The following LRRC37A2 variants were observed in gnomAD, a reference collection of about 807,000 sequenced individuals.
The protein encoded by LRRC37A2 is leucine-rich repeat-containing protein 37A2.
Under a neutral mutation model 68.8 loss-of-function variants are expected in LRRC37A2, and 9 were observed. The observed-to-expected ratio is 0.13, with a 90% CI of 0.08 to 0.23. LRRC37A2 has a LOEUF of 0.23. Among genes scored for constraint, LRRC37A2 ranks in the 10% least tolerant of loss-of-function variants. The pLI is 1.00. For synonymous variants in LRRC37A2, 63 were observed against 367.6 expected (o/e 0.17, Z 9.48); for missense variants, 168 against 950.4 (o/e 0.18, Z 10.82).
chr17:46,915,997 TCAC>T, the LRRC37A2 span, among the ~76,000 whole-genome samples: 36 of 152,232 alleles, frequency 2.4e-4, no homozygotes, highest in African/African-American at 7.2e-4. Context: ...GCCCTGGCTC[TCAC>T]CACATTTATG....
the LRRC37A2 span, chr17:47,021,768 A>G: frequency 1.0e-6 from 1 of 980,386 alleles, no homozygotes; most frequent in Non-Finnish European, 1.6e-6. Flanking sequence ...GAATATCCCC[A>G]ACAAGGTTGC....
At chr17:46,714,638 A>G in the LRRC37A2 span, among the ~76,000 whole-genome samples, 1 of 152,200 alleles carries the variant, frequency 6.6e-6, no homozygotes, top group African/African-American at 2.4e-5. Context: ...GTGCCATGCA[A>G]CAACAACAAC....
the LRRC37A2 span, among the ~76,000 whole-genome samples, chr17:47,039,086 AAT>A: frequency 6.6e-5 from 10 of 151,186 alleles, no homozygotes; most frequent in Non-Finnish European, 1.2e-4. Flanking sequence ...ATTTATCTAG[AAT>A]ATCTTAATTT....
the LRRC37A2 span, among the ~76,000 whole-genome samples, chr17:46,662,080 T>C: frequency 2.1e-4 from 20 of 94,162 alleles, no homozygotes; most frequent in South Asian, 3.5e-4. Flanking sequence ...TGAGGTCAGG[T>C]GATCCACCCG....
At chr17:46,823,213 T>TATATATTTATATATA in the LRRC37A2 span, among the ~76,000 whole-genome samples, 2 of 135,028 alleles carry the variant, frequency 1.5e-5, no homozygotes, top group Non-Finnish European at 3.1e-5. Flanking sequence ...TATAATATAT[T>TATATATTTATATATA]ATATATTATA....
chr17:46,963,537 C>T, the LRRC37A2 span, among the ~76,000 whole-genome samples: 4 of 60,276 alleles, frequency 6.6e-5, no homozygotes, highest in Admixed American at 4.7e-4. Flanking sequence ...GAGTGAGGCT[C>T]GGTCTCAAAA....
At chr17:46,897,176 T>A in the LRRC37A2 span, among the ~76,000 whole-genome samples, 2 of 152,186 alleles carry the variant, frequency 1.3e-5, no homozygotes, top group Non-Finnish European at 2.9e-5. Flanking sequence ...CTCCTCTTCC[T>A]TTGTTTCTGA....
the LRRC37A2 span, chr17:46,966,876 T>C: frequency 2.5e-6 from 1 of 406,008 alleles, no homozygotes; most frequent in Non-Finnish European, 4.3e-6. Context: ...TAAATGGCCA[T>C]TATGCTAATT....
the LRRC37A2 span, among the ~76,000 whole-genome samples, chr17:46,730,628 G>A: frequency 6.6e-6 from 1 of 152,094 alleles, no homozygotes; most frequent in South Asian, 2.1e-4. Context: ...TGGCATAGAG[G>A]CTTATACGTA....
the LRRC37A2 span, among the ~76,000 whole-genome samples, chr17:46,789,450 G>A: frequency 6.6e-6 from 1 of 152,206 alleles, no homozygotes. Flanking sequence ...GAGGAGTCCA[G>A]GAAACTGGAT....
chr17:46,805,066 G>A, the LRRC37A2 span, among the ~76,000 whole-genome samples: 25 of 152,162 alleles, frequency 1.6e-4, no homozygotes, highest in African/African-American at 5.5e-4. Flanking sequence ...GCAAAGGTAC[G>A]TGGCTTCATT....
At chr17:46,972,036 A>G in the LRRC37A2 span, among the ~76,000 whole-genome samples, 6 of 152,108 alleles carry the variant, frequency 3.9e-5, no homozygotes, top group Admixed American at 3.9e-4. Context: ...GGACCTTCCC[A>G]AGACAGGGAA....
At chr17:46,950,515 C>G in the LRRC37A2 span, among the ~76,000 whole-genome samples, 30 of 152,336 alleles carry the variant, frequency 2.0e-4, no homozygotes, top group African/African-American at 7.0e-4. Flanking sequence ...TAAAATAGCA[C>G]CTATTGGAAA....
At chr17:46,871,553 G>T in the LRRC37A2 span, among the ~76,000 whole-genome samples, 287 of 152,298 alleles carry the variant, frequency 1.9e-3, 1 homozygote, top group African/African-American at 6.8e-3. Flanking sequence ...GCTCCAGCTA[G>T]CAGGAAGGTA....
chr17:46,712,745 G>A, the LRRC37A2 span, among the ~76,000 whole-genome samples: 14 of 152,118 alleles, frequency 9.2e-5, no homozygotes, highest in South Asian at 2.1e-4. Flanking sequence ...ACTTGTCTCT[G>A]AAGCATGTTA....
the LRRC37A2 span, among the ~76,000 whole-genome samples, chr17:46,846,786 AGAGG>A: frequency 6.6e-6 from 1 of 152,228 alleles, no homozygotes. Flanking sequence ...GTGAGGAAGA[AGAGG>A]GAGGGAGGGA....
the LRRC37A2 span, among the ~76,000 whole-genome samples, chr17:47,016,082 T>G: frequency 9.2e-5 from 14 of 152,170 alleles, no homozygotes. Context: ...GTAGCTGGGA[T>G]TGCAGGTATG....
chr17:47,043,455 C>A, the LRRC37A2 span, among the ~76,000 whole-genome samples: 1 of 150,122 alleles, frequency 6.7e-6, no homozygotes, highest in African/African-American at 2.4e-5. Flanking sequence ...GCCAAGATTG[C>A]GCCACTGCAC....
chr17:46,850,508 A>G, the LRRC37A2 span, among the ~76,000 whole-genome samples: 87,565 of 152,070 alleles, frequency 0.58, 28,721 homozygotes, highest in East Asian at 0.89. Context: ...CCAAGGTCGC[A>G]GTCACTTGAT....
Sources: allele counts gnomAD v4.1 joint callset (sites outside exome capture counted in the v4.1 genomes callset), GRCh38; gene constraint gnomAD v4.1.1; transcripts MANE v1.5; gene names NCBI Gene and HGNC (gene_info 2026-07-23, HGNC 2026-07-21).